The following KRT8 variants were observed in gnomAD, a reference collection of about 807,000 sequenced individuals.
KRT8 encodes the protein keratin, type II cytoskeletal 8.
A neutral mutation model predicts 43.0 loss-of-function variants in KRT8; 24 were observed. The ratio of observed to expected loss-of-function variants is 0.56; its 90% CI spans 0.40 to 0.78. The LOEUF is 0.78. Ranked by LOEUF, KRT8 falls within the 30% of genes least tolerant of loss-of-function variation. KRT8 has a pLI of 0.00. For synonymous variants in KRT8, 214 were observed against 261.2 expected, an observed-to-expected ratio of 0.82 and a Z score of 1.74; for missense variants, 492 against 638.4, an observed-to-expected ratio of 0.77 and a Z score of 2.47.
chr12:52,908,834 C>T (rs1291282690), upstream of KRT8, among the ~76,000 whole-genome samples: 2 of 152,016 alleles, frequency 1.3e-5, no homozygotes, highest in Non-Finnish European at 2.9e-5. Flanking sequence ...ATGAGACCCC[C>T]GTCTCTACAA....
chr12:52,919,314 G>A (rs1941838855), intron 2 of KRT8, among the ~76,000 whole-genome samples: 1 of 152,100 alleles, frequency 6.6e-6, no homozygotes, highest in Non-Finnish European at 1.5e-5. Context: ...CCAGTCTGGA[G>A]TGCATGTAGT....
chr12:52,939,679 G>A (rs1291174620), intron 2 of KRT8, among the ~76,000 whole-genome samples: 1 of 150,148 alleles, frequency 6.7e-6, no homozygotes, highest in African/African-American at 2.5e-5. Context: ...CCAAAATCAG[G>A]CCATAGAACT....
chr12:52,897,356 T>C (rs771815578), exon 8 of KRT8: 1 of 1,359,666 alleles, frequency 7.4e-7, no homozygotes, highest in Admixed American at 1.7e-5. Context: ...AGTGCTACCC[T>C]GCATAGCGGC....
chr12:52,906,104 A>G (rs1390200409), upstream of KRT8, among the ~76,000 whole-genome samples: 1 of 152,026 alleles, frequency 6.6e-6, no homozygotes, highest in Non-Finnish European at 1.5e-5. Flanking sequence ...AGCGAGATCC[A>G]ACACAGCACT....
chr12:52,943,334 T>A (rs1052766785), intron 2 of KRT8, among the ~76,000 whole-genome samples: 1 of 152,214 alleles, frequency 6.6e-6, no homozygotes, highest in Admixed American at 6.5e-5. Flanking sequence ...GTCCTCAGCC[T>A]CCCTGATCCT....
chr12:52,919,014 G>A (rs2065224150), intron 2 of KRT8, among the ~76,000 whole-genome samples: 1 of 152,122 alleles, frequency 6.6e-6, no homozygotes, highest in African/African-American at 2.4e-5. Flanking sequence ...TAACTAGGAG[G>A]TGGCAATTGG....
intron 5 of KRT8, 86 bp downstream of exon 5, chr12:52,899,688 AC>A: frequency 8.1e-7 from 1 of 1,237,106 alleles, no homozygotes; most frequent in Admixed American, 1.9e-5. Context: ...TCCTTCCCCG[AC>A]TCCCAGAAAC....
In KRT8 at chr12:52,901,041, TA is replaced by T. The variant is rs1184531310; in HGVS notation, c.594+117del. 4 of 814,330 alleles carry T rather than the reference TA, an allele frequency of 4.9e-6. No individual in the cohort carries two copies. The East Asian group carries it at 9.7e-5, about 20-fold the overall frequency. The allele number at this position is 814,330 out of a possible 1,614,324, so 50.4% of individuals were successfully genotyped here. On this transcript the variant is annotated intron_variant, in intron 3 of 7. Coordinates refer to ENST00000692008, the Ensembl canonical transcript of KRT8. ...CTTTCTGTGCACCCAAATGTTTACA[TA>T]AATGAGTTTGTCCCACTACTTAGGA...
intron 1 of KRT8, among the ~76,000 whole-genome samples, chr12:52,904,192 T>C (rs1941452569): frequency 6.6e-6 from 1 of 152,056 alleles, no homozygotes; most frequent in Admixed American, 6.5e-5. Context: ...GGGGTAGTGC[T>C]GGCGAAGAGG....
At chr12:52,944,120 C>T (rs1347411129) in intron 2 of KRT8, among the ~76,000 whole-genome samples, 1 of 152,122 alleles carries the variant, frequency 6.6e-6, no homozygotes, top group Admixed American at 6.6e-5. Context: ...CTCTTCCAGG[C>T]ACGTCATCTC....
chr12:52,930,247 C>T (rs1942061676), intron 2 of KRT8, among the ~76,000 whole-genome samples: 3 of 150,158 alleles, frequency 2.0e-5, no homozygotes, highest in African/African-American at 4.9e-5. Context: ...GACAGAGCTT[C>T]GTTCTTGTTG....
At chr12:52,919,927 C>T (rs575374274) in intron 2 of KRT8, among the ~76,000 whole-genome samples, 6 of 152,106 alleles carry the variant, frequency 3.9e-5, no homozygotes, top group South Asian at 2.1e-4. Flanking sequence ...GGATTACAGG[C>T]GTGAGCCACC....
chr12:52,897,718 G>A (rs912107044), intron 7 of KRT8, 100 bp from the exon 8 acceptor site: 1 of 1,529,824 alleles, frequency 6.5e-7, no homozygotes, highest in South Asian at 1.1e-5. Context: ...CCCCAGGGAT[G>A]GGAGGTTAAC....
intron 2 of KRT8, among the ~76,000 whole-genome samples, chr12:52,938,170 A>ATATTTTTTTT (rs1555189967): frequency 1.3e-4 from 4 of 30,312 alleles, no homozygotes; most frequent in Non-Finnish European, 1.8e-4. Flanking sequence ...ATATATATAT[A>ATATTTTTTTT]TTTTTTTTTT....
chr12:52,923,805 C>A (rs1941935509), intron 2 of KRT8, among the ~76,000 whole-genome samples: 1 of 151,688 alleles, frequency 6.6e-6, no homozygotes, highest in African/African-American at 2.4e-5. Context: ...GATTTTAGAG[C>A]TTTGAATTGC....
chr12:52,917,916 AAAG>A (rs1246030399), intron 2 of KRT8, among the ~76,000 whole-genome samples: 13 of 148,932 alleles, frequency 8.7e-5, no homozygotes, highest in Admixed American at 2.1e-4. Context: ...AGAAGGAGAA[AAAG>A]AAGAAGGAGA....
In KRT8 at chr12:52,898,766, C is replaced by T. The variant is rs774350465; in HGVS notation, c.1115G>A (p.Arg372His). 7 of 1,614,152 alleles carry T rather than the reference C, an allele frequency of 4.3e-6. No individual in the cohort carries two copies. Among genetic ancestry groups the T allele is most frequent in the Admixed American group, 1.7e-5 (1 of 60,012 alleles). Residue 372 changes from arginine to histidine, a missense_variant, in exon 6 of 8, where the codon CGT becomes CAT. By Grantham distance (29) the Arg-to-His change is conservative. Around this residue, in one of 3 missense-constraint regions of KRT8, gnomAD observed 389 missense variants for 485.7 expected, o/e 0.80. Transcript: ENST00000692008. ...GACGTTCATCAGCTCCTGGTACTCA[C>T]GCAGCTGCCGCGCCATGTCCTGCTT...
At chr12:52,901,951 C>T (rs940167416) in exon 2 of KRT8, 8 of 1,609,776 alleles carry the variant, frequency 5.0e-6, no homozygotes, top group East Asian at 4.5e-5. Context: ...CTCCAGCTGC[C>T]GCCTAAGGTT....
At chr12:52,914,689 C>A (rs143177665) in intron 2 of KRT8, among the ~76,000 whole-genome samples, 1 of 152,226 alleles carries the variant, frequency 6.6e-6, no homozygotes, top group Non-Finnish European at 1.5e-5. Context: ...CTCAAACAGA[C>A]TTAAGCATAA....
Sources: allele counts gnomAD v4.1 joint callset (sites outside exome capture counted in the v4.1 genomes callset), GRCh38; gene constraint gnomAD v4.1.1; regional missense constraint gnomAD v4.1.1; transcripts MANE v1.5; gene names NCBI Gene and HGNC (gene_info 2026-07-23, HGNC 2026-07-21).